Variants in SFXN4 observed in about 807,000 individuals in gnomAD.
SFXN4 encodes sideroflexin-4.
SFXN4 carries 48 observed loss-of-function variants against 54.6 expected under a neutral mutation model. That is an observed-to-expected ratio of 0.88 (90% CI 0.70 to 1.12). SFXN4 has a LOEUF of 1.12. Among genes scored for constraint, SFXN4 ranks in the 50% most tolerant of loss-of-function variants. The pLI is 0.00. For synonymous variants in SFXN4, 130 were observed against 145.5 expected (o/e 0.89, Z 0.77); for missense variants, 383 against 409.2 (o/e 0.94, Z 0.55).
intron 2 of SFXN4, 42 bp from the exon 3 acceptor site, chr10:119,162,456 T>G: frequency 6.5e-7 from 1 of 1,530,420 alleles, no homozygotes. Flanking sequence ...ATCTCAACAT[T>G]GTTCAGGTTT....
intron 1 of SFXN4, among the ~76,000 whole-genome samples, chr10:119,164,698 T>C (rs1413166809): frequency 6.6e-6 from 1 of 152,008 alleles, no homozygotes; most frequent in Non-Finnish European, 1.5e-5. Context: ...CTCTAAACTT[T>C]GTAGTGGTTC....
At chr10:119,162,517 C>A (rs979840363) in intron 2 of SFXN4, 103 bp from the exon 3 acceptor site, 9 of 865,940 alleles carry the variant, frequency 1.0e-5, no homozygotes, top group African/African-American at 3.4e-5. Context: ...CACTGGACTT[C>A]GACTGCATGC....
intron 3 of SFXN4, 87 bp from the exon 4 acceptor site, chr10:119,161,168 T>G (rs969076255): frequency 3.8e-6 from 5 of 1,324,944 alleles, no homozygotes; most frequent in African/African-American, 1.5e-5. Flanking sequence ...GGCTGGGGTA[T>G]AGTGGCACAA....
intron 5 of SFXN4, among the ~76,000 whole-genome samples, chr10:119,160,012 C>T (rs1847455186): frequency 6.6e-6 from 1 of 151,700 alleles, no homozygotes; most frequent in African/African-American, 2.4e-5. Flanking sequence ...GCGAGACCCC[C>T]ACCTCCATAA....
chr10:119,161,407 TAAA>T (rs34385543), intron 3 of SFXN4, among the ~76,000 whole-genome samples: 4 of 82,876 alleles, frequency 4.8e-5, no homozygotes, highest in South Asian at 3.7e-4. Context: ...CACCCAGCCT[TAAA>T]AAAACAACAA....
At chr10:119,163,542 C>G (rs936455676) in intron 2 of SFXN4, among the ~76,000 whole-genome samples, 2 of 151,964 alleles carry the variant, frequency 1.3e-5, no homozygotes, top group Non-Finnish European at 2.9e-5. Flanking sequence ...GCTGGGATTA[C>G]AGGTGTCTGC....
intron 13 of SFXN4, among the ~76,000 whole-genome samples, chr10:119,141,774 G>A (rs1846532760): frequency 6.6e-6 from 1 of 152,162 alleles, no homozygotes; most frequent in East Asian, 1.9e-4. Flanking sequence ...GCTCATGCCT[G>A]TAATCCCAAC....
At chr10:119,163,542 C>T (rs936455676) in intron 2 of SFXN4, among the ~76,000 whole-genome samples, 4 of 151,964 alleles carry the variant, frequency 2.6e-5, no homozygotes, top group African/African-American at 9.7e-5. Context: ...GCTGGGATTA[C>T]AGGTGTCTGC....
chr10:119,145,195 C>A (rs1352071711), intron 13 of SFXN4, among the ~76,000 whole-genome samples: 2 of 152,102 alleles, frequency 1.3e-5, no homozygotes, highest in African/African-American at 4.8e-5. Flanking sequence ...AGACCAATCC[C>A]TCTTCCTCCT....
chr10:119,157,877 T>A lies in SFXN4; in HGVS notation c.465A>T (p.Arg155Ser). The change falls in exon 8 of 14, where the codon AGA becomes AGT. Residue 155 changes from arginine (R) to serine (S), a missense_variant. Transcript: ENST00000355697. ...TGGGTCTCATAATACTCACGTAACT[T>A]CTGTTTCCATTGATGCTGTTGAACG... ...MAAFNSINGN[R>S]SYTCKPLERS... 6.2e-7 allele frequency: 1 copy of A among 1,614,236 alleles called. No homozygotes were observed. Among genetic ancestry groups the A allele is most frequent in the Non-Finnish European group, 8.5e-7 (1 of 1,180,026 alleles).
chr10:119,163,975 G>A (rs1187366254), intron 2 of SFXN4, among the ~76,000 whole-genome samples, 156 bp downstream of exon 2: 1 of 148,210 alleles, frequency 6.7e-6, no homozygotes, highest in African/African-American at 2.5e-5. Flanking sequence ...GGGAGGTAGA[G>A]GTTCTTGTGA....
At chr10:119,159,295 C>A (rs950409219) in intron 6 of SFXN4, among the ~76,000 whole-genome samples, 8 of 148,800 alleles carry the variant, frequency 5.4e-5, no homozygotes, top group South Asian at 4.3e-4. Flanking sequence ...ACAAAAAAAA[C>A]CCAAAAAACC....
Position 119,160,912 on chromosome 10 carries a change from C to G in SFXN4, c.334+3G>C, listed in dbSNP as rs758897026. 2.5e-6 allele frequency: 4 copies of G among 1,614,014 alleles called. No individual in the cohort carries two copies. Reference sequence around the variant, plus strand: ...CCACTTCTGAAAATTAGAACCAACTCACCTGCAGGTCGAAAAAGCTTGGGG... The same window carrying G: ...CCACTTCTGAAAATTAGAACCAACTGACCTGCAGGTCGAAAAAGCTTGGGG... On this transcript the variant is annotated splice_donor_region_variant and intron_variant, in intron 5 of 13. Transcript: ENST00000355697.
At chr10:119,157,589 TA>T (rs1847323970) in intron 9 of SFXN4, 78 bp downstream of exon 9, 1 of 1,181,322 alleles carries the variant, frequency 8.5e-7, no homozygotes, top group Non-Finnish European at 1.2e-6. Context: ...AATTGGAACA[TA>T]AATTTGTAAT....
chr10:119,159,273 C>G (rs1847415034), intron 6 of SFXN4, among the ~76,000 whole-genome samples: 1 of 149,438 alleles, frequency 6.7e-6, no homozygotes, highest in Non-Finnish European at 1.5e-5. Context: ...GAGCCAGACT[C>G]TGTCTCGAAA....
Position 119,147,792 on chromosome 10 carries a change from G to A in SFXN4, c.801C>T (p.Phe267=). Residue 267 remains phenylalanine, a synonymous_variant, in exon 12 of 14, where the codon TTC becomes TTT. Transcript: ENST00000355697. ...TCTCTTACCTTTTAAAAAAGTAGGT[G>A]AAGACTTCAGGAATCAGAGCTGAGG... ...FGTSALIPEV[F]TYFFKRTQYF... is the part of the protein sequence containing the mutation. 1.2e-6 allele frequency: 2 copies of A among 1,613,882 alleles called. No homozygotes were observed. Among genetic ancestry groups the A allele is most frequent in the East Asian group, 4.5e-5 (2 of 44,900 alleles).
chr10:119,147,704 T>C, intron 12 of SFXN4, 71 bp downstream of exon 12: 1 of 1,301,804 alleles, frequency 7.7e-7, no homozygotes, highest in Non-Finnish European at 1.1e-6. Flanking sequence ...TCCACCAGGG[T>C]CAGTATCTGA....
chr10:119,159,666 G>C (rs2133619501), intron 6 of SFXN4, 62 bp downstream of exon 6: 3 of 1,553,822 alleles, frequency 1.9e-6, no homozygotes, highest in South Asian at 2.2e-5. Flanking sequence ...GCTGAGGTTA[G>C]GAGGAGAGTG....
At position 119,157,912 on chromosome 10, in the gene SFXN4, A is replaced by G. The variant is rs2133611502; in HGVS notation, c.430T>C (p.Tyr144His). Residue 144 changes from tyrosine (Y) to histidine (H), a missense_variant, in exon 8 of 14, where the codon TAC (tyrosine) becomes CAC (histidine). Transcript: ENST00000355697. Reference protein sequence around the residue: ...VILPQVFLCAYMAAFNSINGN... With the variant: ...VILPQVFLCAHMAAFNSINGN... ...TTGATGCTGTTGAACGCTGCCATGT[A>G]GGCACAGAGGAAAACCTGCCGAGAG... is the stretch of plus-strand genomic sequence containing the variant. 4 of 1,614,250 alleles carry G rather than the reference A, an allele frequency of 2.5e-6. No homozygotes were observed. Among genetic ancestry groups the G allele is most frequent in the African/African-American group, 1.3e-5 (1 of 75,072 alleles).
Sources: allele counts gnomAD v4.1 joint callset (sites outside exome capture counted in the v4.1 genomes callset), GRCh38; gene constraint gnomAD v4.1.1; transcripts MANE v1.5; gene names NCBI Gene and HGNC (gene_info 2026-07-23, HGNC 2026-07-21).